C2CD3: variants seen among roughly 807,000 people sequenced by gnomAD.
The protein encoded by C2CD3 is C2 domain-containing protein 3.
A neutral mutation model predicts 234.0 loss-of-function variants in C2CD3; 148 were observed. The ratio of observed to expected loss-of-function variants is 0.63; its 90% confidence interval spans 0.55 to 0.72. The LOEUF is 0.72. C2CD3 is among the 30% of genes least tolerant of loss of function. The probability of loss-of-function intolerance (pLI) is 0.00; values close to 1 mark genes in which losing one functional copy is unlikely to be tolerated. For missense variants in C2CD3, 2,577 were observed against 2,811.5 expected (o/e 0.92, Z 1.89); for synonymous variants, 1,000 against 1,035.4 (o/e 0.97, Z 0.66).
At chr11:74,108,852 C>T (rs1306360693) in intron 12 of C2CD3, among the ~76,000 whole-genome samples, 182 bp downstream of exon 12, 2 of 150,716 alleles carry the variant, frequency 1.3e-5, no homozygotes, top group Admixed American at 6.6e-5. Context: ...TGGCCCATGA[C>T]AAACAGCAGA....
At chr11:74,073,803 G>A (rs1322757142) in intron 24 of C2CD3, among the ~76,000 whole-genome samples, 2 of 152,098 alleles carry the variant, frequency 1.3e-5, no homozygotes, top group Admixed American at 1.3e-4. Flanking sequence ...ATTTTAGCTA[G>A]AGGTTGCTAA....
chr11:74,166,353 T>C (rs923008077), intron 2 of C2CD3, among the ~76,000 whole-genome samples: 5 of 151,922 alleles, frequency 3.3e-5, no homozygotes, highest in Admixed American at 2.0e-4. Flanking sequence ...ATGTCTACAG[T>C]TGGACTGTCA....
At chr11:74,065,101 G>T (rs1340030388) in intron 24 of C2CD3, among the ~76,000 whole-genome samples, 1 of 152,160 alleles carries the variant, frequency 6.6e-6, no homozygotes, top group East Asian at 1.9e-4. Context: ...TACAGCAGAA[G>T]AAACTACCAT....
intron 28 of C2CD3, among the ~76,000 whole-genome samples, chr11:74,045,552 CT>C (rs1262035645): frequency 3.5e-5 from 5 of 143,752 alleles, no homozygotes; most frequent in South Asian, 2.2e-4. Context: ...TTATTTAGAC[CT>C]TTTTCAATTT....
chr11:74,023,124 G>C (rs1192625338), intron 32 of C2CD3, among the ~76,000 whole-genome samples: 1 of 152,260 alleles, frequency 6.6e-6, no homozygotes, highest in Non-Finnish European at 1.5e-5. Context: ...TTCCAGTGGA[G>C]ACTGGGAGGT....
intron 3 of C2CD3, among the ~76,000 whole-genome samples, chr11:74,141,488 G>A (rs1054010972): frequency 6.6e-6 from 1 of 152,176 alleles, no homozygotes; most frequent in Admixed American, 6.5e-5. Context: ...TAAAGGTAGT[G>A]TTCCTGGCCT....
In C2CD3 at chr11:74,051,312, A is replaced by T. The variant is rs1953674530; in HGVS notation, c.5156-1770T>A. 1.3e-5 allele frequency among the ~76,000 whole-genome samples: 2 copies of T among 152,002 alleles called. 1 individual carries two copies. Among genetic ancestry groups the T allele is most frequent in the African/African-American group, 4.8e-5 (2 of 41,328 alleles). ...CTTGTCTCAAAAAAGAAAAAAAAAA[A>T]AAGATCCCCTTCAACTTGGAAAGTT... On this transcript the variant is annotated intron_variant, in intron 26 of 32. Transcript: ENST00000334126.
At chr11:74,153,660 C>T (rs1855827218) in intron 3 of C2CD3, among the ~76,000 whole-genome samples, 1 of 152,024 alleles carries the variant, frequency 6.6e-6, no homozygotes, top group Non-Finnish European at 1.5e-5. Context: ...AAAATCCCAG[C>T]AGATATTTTT....
intron 2 of C2CD3, among the ~76,000 whole-genome samples, chr11:74,167,528 A>T (rs1856888453): frequency 6.6e-6 from 1 of 152,218 alleles, no homozygotes; most frequent in Non-Finnish European, 1.5e-5. Context: ...TTACATGTTG[A>T]TGTTTCAAAA....
chr11:74,157,834 A>C (rs1034994037), intron 3 of C2CD3, among the ~76,000 whole-genome samples: 17 of 152,228 alleles, frequency 1.1e-4, no homozygotes, highest in Admixed American at 2.6e-4. Flanking sequence ...ATGCATATCT[A>C]TCACACAGTA....
At chr11:74,111,953 CACACACACACACACACAT>C (rs1243086832) in intron 11 of C2CD3, among the ~76,000 whole-genome samples, 51 of 146,272 alleles carry the variant, frequency 3.5e-4, no homozygotes, top group African/African-American at 1.0e-3. Context: ...CACACACACA[CACACACACACACACACAT>C]ATATATATAC....
chr11:74,098,289 C>T (rs745840642), intron 15 of C2CD3, 34 bp from the exon 16 acceptor site: 29 of 1,604,228 alleles, frequency 1.8e-5, no homozygotes, highest in Middle Eastern at 1.7e-4. Context: ...AAGCAAATAA[C>T]AAGCATCAAT....
At chr11:74,022,866 C>A (rs979754099) in intron 32 of C2CD3, among the ~76,000 whole-genome samples, 14 of 152,376 alleles carry the variant, frequency 9.2e-5, no homozygotes, top group African/African-American at 3.4e-4. Context: ...GTTCTCACCC[C>A]TTTTCTTTTT....
intron 12 of C2CD3, among the ~76,000 whole-genome samples, 191 bp downstream of exon 12, chr11:74,108,843 G>C (rs1956632861): frequency 6.6e-6 from 1 of 150,588 alleles, no homozygotes; most frequent in Non-Finnish European, 1.5e-5. Flanking sequence ...TATTATATCT[G>C]GCCCATGACA....
At chr11:74,092,075 C>T (rs1303978958) in intron 19 of C2CD3, among the ~76,000 whole-genome samples, 10 of 148,830 alleles carry the variant, frequency 6.7e-5, no homozygotes, top group African/African-American at 5.0e-5. Context: ...TTTTTTGAGA[C>T]GAGTTTCGCT....
intron 24 of C2CD3, among the ~76,000 whole-genome samples, chr11:74,072,269 A>C (rs1397579486): frequency 6.6e-6 from 1 of 152,226 alleles, no homozygotes; most frequent in African/African-American, 2.4e-5. Flanking sequence ...ATGGATGAGA[A>C]CATCAAGGAT....
At chr11:74,135,887 T>C (rs1436660515) in intron 5 of C2CD3, among the ~76,000 whole-genome samples, 1 of 152,140 alleles carries the variant, frequency 6.6e-6, no homozygotes, top group Non-Finnish European at 1.5e-5. Flanking sequence ...AAATACTGCA[T>C]GTTTTCACTT....
At position 74,031,900 on chromosome 11, in the gene C2CD3, C is replaced by T. The variant is rs944324144; in HGVS notation, c.6809+1451G>A. ...CACAAGGAGGTCTATTTTCAAAGCTCAGCCTCCAGCCATTGCATGCTTTAA... is the reference window on the plus strand; with the variant it reads ...CACAAGGAGGTCTATTTTCAAAGCTTAGCCTCCAGCCATTGCATGCTTTAA... On this transcript the variant is annotated intron_variant, in intron 31 of 32. Transcript: ENST00000334126. Among the ~76,000 whole-genome samples, 3 of 152,244 alleles carry T rather than the reference C, an allele frequency of 2.0e-5. No individual in the cohort carries two copies. In the South Asian group the frequency reaches 6.2e-4, roughly 32 times the overall value.
At chr11:74,131,130 T>G (rs1957662929) in intron 7 of C2CD3, among the ~76,000 whole-genome samples, 1 of 151,680 alleles carries the variant, frequency 6.6e-6, no homozygotes. Flanking sequence ...CTGCATCTCT[T>G]GAGATAATCA....
Sources: allele counts gnomAD v4.1 joint callset (sites outside exome capture counted in the v4.1 genomes callset), GRCh38; gene constraint gnomAD v4.1.1; transcripts MANE v1.5; gene names NCBI Gene and HGNC (gene_info 2026-07-23, HGNC 2026-07-21).